Variants in VRK2 observed in about 807,000 individuals in gnomAD.
VRK2 encodes the protein VRK serine/threonine kinase 2, also known as serine/threonine-protein kinase VRK2.
A neutral mutation model predicts 57.6 loss-of-function variants in VRK2; 60 were observed. The observed-to-expected ratio is 1.04, with a 90% confidence interval of 0.85 to 1.29. The LOEUF is 1.29. Ranked by LOEUF, VRK2 falls within the 50% of genes most tolerant of loss-of-function variation. The probability of loss-of-function intolerance (pLI) is 0.00; values close to 1 mark genes in which losing one functional copy is unlikely to be tolerated. For missense variants in VRK2, 705 were observed against 588.1 expected, an observed-to-expected ratio of 1.20 and a Z score of -2.06; for synonymous variants, 231 against 199.2, an observed-to-expected ratio of 1.16 and a Z score of -1.35.
chr2:58,040,165 T>C (rs1017660019), intron 3 of VRK2, among the ~76,000 whole-genome samples: 3 of 152,134 alleles, frequency 2.0e-5, no homozygotes, highest in Non-Finnish European at 2.9e-5. Context: ...AATAAATAGA[T>C]TTAAATATTG....
chr2:57,971,280 G>A (rs1672090331), intron 1 of VRK2, among the ~76,000 whole-genome samples: 1 of 151,968 alleles, frequency 6.6e-6, no homozygotes, highest in African/African-American at 2.4e-5. Context: ...GTAAATGACA[G>A]CACATGTAAA....
intron 2 of VRK2, among the ~76,000 whole-genome samples, chr2:58,031,823 A>C (rs531814900): frequency 1.3e-5 from 2 of 152,162 alleles, no homozygotes; most frequent in East Asian, 3.9e-4. Flanking sequence ...CAATTTACAC[A>C]TTCACTCATA....
intron 7 of VRK2, among the ~76,000 whole-genome samples, chr2:58,115,585 C>G (rs185580050): frequency 6.6e-6 from 1 of 152,256 alleles, no homozygotes; most frequent in Admixed American, 6.5e-5. Flanking sequence ...GGTCCTGGCT[C>G]TTGTGTAAGA....
chr2:58,055,157 C>T (rs1309887148), intron 2 of VRK2, among the ~76,000 whole-genome samples: 1 of 152,182 alleles, frequency 6.6e-6, no homozygotes, highest in Non-Finnish European at 1.5e-5. Flanking sequence ...TTGCTGCGTT[C>T]TGCATGCTGC....
intron 7 of VRK2, among the ~76,000 whole-genome samples, chr2:58,090,466 A>G (rs900679857): frequency 6.6e-6 from 1 of 152,104 alleles, no homozygotes; most frequent in Non-Finnish European, 1.5e-5. Flanking sequence ...AATGATGAAA[A>G]TATTCTGTTT....
At position 58,131,840 on chromosome 2, in the gene VRK2, G is replaced by A. The variant is rs775284608; in HGVS notation, c.709G>A (p.Gly237Ser). 11 of 1,613,424 alleles carry A rather than the reference G, an allele frequency of 6.8e-6. No homozygotes were observed. Among genetic ancestry groups the A allele is most frequent in the Middle Eastern group, 1.6e-4 (1 of 6,080 alleles). Residue 237 changes from glycine to serine, a missense_variant, in exon 9 of 13, where the codon GGC becomes AGC. Coordinates refer to ENST00000340157, the MANE Select transcript of VRK2 (RefSeq NM_006296.7). ...CAGACGAAGTGACGTTGAGATCCTC[G>A]GCTACTGCATGCTGCGGTGGTTGTG... Reference protein sequence around the residue: ...LSRRSDVEILGYCMLRWLCGK... With the variant: ...LSRRSDVEILSYCMLRWLCGK...
chr2:58,046,894 G>C (rs941896938), intron 1 of VRK2, 26 bp downstream of exon 1: 4 of 985,266 alleles, frequency 4.1e-6, no homozygotes, highest in Non-Finnish European at 4.8e-6. Context: ...TGGGGTCTTG[G>C]GTGGCGGGCG....
intron 2 of VRK2, among the ~76,000 whole-genome samples, chr2:58,064,309 A>G (rs1668313743): frequency 6.6e-6 from 1 of 152,106 alleles, no homozygotes; most frequent in African/African-American, 2.4e-5. Context: ...GCGAGAGTCA[A>G]TTGATGTGGC....
chr2:58,047,248 C>G (rs1674944935), intron 1 of VRK2: 2 of 307,702 alleles, frequency 6.5e-6, no homozygotes, highest in African/African-American at 4.5e-5. Context: ...CTGGGCCGCG[C>G]TGCTTCTCGT....
At chr2:57,942,533 C>G (rs1228693657) in intron 1 of VRK2, among the ~76,000 whole-genome samples, 1 of 150,578 alleles carries the variant, frequency 6.6e-6, no homozygotes, top group Non-Finnish European at 1.5e-5. Flanking sequence ...AATGTCATTC[C>G]AAAACAAAAA....
At position 57,941,982 on chromosome 2, in the gene VRK2, G is replaced by A. The variant is rs1307339207; in HGVS notation, c.-439+34143G>A. 2.6e-5 allele frequency among the ~76,000 whole-genome samples: 4 copies of A among 152,130 alleles called. No individual in the cohort carries two copies. The South Asian group carries it at 8.3e-4, about 32-fold the overall frequency. ...TGCCCACTTAAAAACTGCTTTGTGG[G>A]GATGGCATGTCTTAATTGTTCCCAA... On this transcript the variant is annotated intron_variant, in intron 1 of 15. Transcript: ENST00000417641.
At chr2:57,932,002 T>C (rs1670744182) in intron 1 of VRK2, among the ~76,000 whole-genome samples, 1 of 152,144 alleles carries the variant, frequency 6.6e-6, no homozygotes, top group Non-Finnish European at 1.5e-5. Flanking sequence ...GGCAGTACCA[T>C]GCTGCTTTGA....
chr2:57,982,371 C>T (rs1244115416), intron 1 of VRK2, among the ~76,000 whole-genome samples: 1 of 152,182 alleles, frequency 6.6e-6, no homozygotes, highest in Non-Finnish European at 1.5e-5. Flanking sequence ...TGTGCACCGG[C>T]AGGAGCTGCA....
chr2:57,928,884 T>C (rs551732130), intron 1 of VRK2, among the ~76,000 whole-genome samples: 45 of 152,332 alleles, frequency 3.0e-4, no homozygotes, highest in African/African-American at 1.1e-3. Flanking sequence ...TTTTGTTCTC[T>C]TCCCTTACTT....
chr2:58,003,621 T>C (rs1673154295), intron 1 of VRK2, among the ~76,000 whole-genome samples: 1 of 152,128 alleles, frequency 6.6e-6, no homozygotes, highest in South Asian at 2.1e-4. Flanking sequence ...AATTAGTTTA[T>C]CTGAAATTTA....
At chr2:58,074,016 CCG>C (rs1669725416) in intron 2 of VRK2, among the ~76,000 whole-genome samples, 1 of 152,080 alleles carries the variant, frequency 6.6e-6, no homozygotes, top group Non-Finnish European at 1.5e-5. Context: ...CAGACAGGTC[CCG>C]GATAAATACT....
chr2:58,147,183 C>T (rs1456384532), intron 12 of VRK2: 1 of 518,174 alleles, frequency 1.9e-6, no homozygotes, highest in Non-Finnish European at 3.9e-6. Flanking sequence ...GGATATTAAT[C>T]ACTAAACTGA....
At chr2:58,037,134 T>A (rs1674301452) in intron 3 of VRK2, among the ~76,000 whole-genome samples, 1 of 151,832 alleles carries the variant, frequency 6.6e-6, no homozygotes, top group African/African-American at 2.4e-5. Context: ...TAGGGTCTCA[T>A]CATGTTGCCC....
intron 1 of VRK2, among the ~76,000 whole-genome samples, chr2:57,929,357 G>A (rs1008726380): frequency 6.6e-6 from 1 of 152,170 alleles, no homozygotes; most frequent in Non-Finnish European, 1.5e-5. Context: ...CCTATGGTGA[G>A]TACTGCCTAA....
Sources: allele counts gnomAD v4.1 joint callset (sites outside exome capture counted in the v4.1 genomes callset), GRCh38; gene constraint gnomAD v4.1.1; transcripts MANE v1.5; gene names NCBI Gene and HGNC (gene_info 2026-07-23, HGNC 2026-07-21).